The following GRM7 variants were observed in gnomAD, a reference collection of about 807,000 sequenced individuals.
GRM7 encodes the protein metabotropic glutamate receptor 7.
Under a neutral mutation model 84.5 loss-of-function variants are expected in GRM7, and 35 were observed. The observed-to-expected ratio is 0.41, with a 90% CI of 0.32 to 0.55. GRM7 has a LOEUF of 0.55. Ranked by LOEUF, GRM7 falls within the 20% of genes least tolerant of loss-of-function variation. The pLI is 0.19. For synonymous variants in GRM7, 487 were observed against 455.1 expected, an observed-to-expected ratio of 1.07 and a Z score of -0.89; for missense variants, 1,003 against 1,194.6, an observed-to-expected ratio of 0.84 and a Z score of 2.36.
At chr3:7,442,798 G>A (rs566416127) in intron 5 of GRM7, among the ~76,000 whole-genome samples, 19 of 152,106 alleles carry the variant, frequency 1.2e-4, no homozygotes, top group Non-Finnish European at 2.6e-4. Flanking sequence ...CATGAGAGTG[G>A]AAACCCTGGT....
At chr3:7,138,037 GAA>G (rs1693825984) in intron 1 of GRM7, among the ~76,000 whole-genome samples, 2 of 152,160 alleles carry the variant, frequency 1.3e-5, no homozygotes, top group Admixed American at 1.3e-4. Flanking sequence ...TGTAGTGGTA[GAA>G]GTAAAAATAT....
chr3:7,649,849 C>CGG (rs748641188), intron 8 of GRM7, among the ~76,000 whole-genome samples: 2 of 151,094 alleles, frequency 1.3e-5, no homozygotes, highest in African/African-American at 2.4e-5. Flanking sequence ...CAGGTTTGGG[C>CGG]GGGGGGGTAC....
At chr3:7,534,458 C>G (rs1701165256) in intron 7 of GRM7, among the ~76,000 whole-genome samples, 1 of 152,166 alleles carries the variant, frequency 6.6e-6, no homozygotes, top group South Asian at 2.1e-4. Flanking sequence ...ACTGTAGGAT[C>G]AGGATTTGAA....
At chr3:6,955,274 G>C (rs1054402008) in intron 1 of GRM7, among the ~76,000 whole-genome samples, 1 of 152,154 alleles carries the variant, frequency 6.6e-6, no homozygotes, top group Non-Finnish European at 1.5e-5. Flanking sequence ...GGTGGCTTAC[G>C]CCTGTAATCC....
chr3:7,672,465 G>A lies in GRM7; in HGVS notation c.2452-7584G>A, dbSNP rs557845643. ...GTCACTGGGATTTCATAAGAATTGT[G>A]AAACTTCTCTGATCCCATCCATAGA... On this transcript the variant is annotated intron_variant, in intron 8 of 9. Coordinates refer to ENST00000357716, the MANE Select transcript of GRM7 (RefSeq NM_000844.4). Among the ~76,000 whole-genome samples, 3 of 152,218 alleles carry A rather than the reference G, an allele frequency of 2.0e-5. No individual in the cohort carries two copies. The South Asian group carries it at 6.2e-4, about 32-fold the overall frequency.
chr3:7,446,174 C>G (rs986815682), intron 5 of GRM7, among the ~76,000 whole-genome samples: 1 of 152,186 alleles, frequency 6.6e-6, no homozygotes, highest in African/African-American at 2.4e-5. Context: ...AATGCAAAGT[C>G]TAAAAGCACT....
intron 7 of GRM7, among the ~76,000 whole-genome samples, chr3:7,571,064 C>T (rs1197488495): frequency 1.3e-5 from 2 of 152,134 alleles, no homozygotes; most frequent in Admixed American, 1.3e-4. Context: ...TCCTATGCTT[C>T]ACACAGCACA....
intron 1 of GRM7, among the ~76,000 whole-genome samples, chr3:6,923,569 T>C (rs1697199429): frequency 6.6e-6 from 1 of 152,202 alleles, no homozygotes; most frequent in Admixed American, 6.5e-5. Context: ...ATCTCCTCTG[T>C]TGGTTTTTAT....
chr3:7,693,499 A>C, intron 9 of GRM7: 1 of 672,316 alleles, frequency 1.5e-6, no homozygotes, highest in South Asian at 1.6e-5. Context: ...TAGTATGAAA[A>C]ATGCTACATT....
chr3:7,739,983 A>G (rs1010279758), intron 9 of GRM7, among the ~76,000 whole-genome samples: 3 of 152,192 alleles, frequency 2.0e-5, no homozygotes, highest in Non-Finnish European at 4.4e-5. Flanking sequence ...TTCCAAGCAA[A>G]GGCCAGTTAT....
intron 4 of GRM7, among the ~76,000 whole-genome samples, chr3:7,385,394 C>T (rs1313189270): frequency 1.4e-5 from 2 of 143,896 alleles, no homozygotes; most frequent in African/African-American, 5.1e-5. Context: ...TCTGCCTCCT[C>T]GGTTCACGCC....
chr3:6,891,435 C>T (rs1395875547), intron 1 of GRM7, among the ~76,000 whole-genome samples: 1 of 152,144 alleles, frequency 6.6e-6, no homozygotes, highest in East Asian at 1.9e-4. Flanking sequence ...CTGGTGGTAA[C>T]AAAATCTCTC....
chr3:6,992,357 A>G (rs1362304081), intron 1 of GRM7, among the ~76,000 whole-genome samples: 3 of 152,246 alleles, frequency 2.0e-5, no homozygotes, highest in Non-Finnish European at 2.9e-5. Flanking sequence ...AAGAGATAAT[A>G]TGCACATACG....
chr3:7,547,008 G>C (rs1575478354), intron 7 of GRM7, among the ~76,000 whole-genome samples: 1 of 151,914 alleles, frequency 6.6e-6, no homozygotes, highest in Admixed American at 6.6e-5. Context: ...AAGCAGGGAG[G>C]CCTTGGGAAA....
intron 1 of GRM7, among the ~76,000 whole-genome samples, chr3:7,055,513 A>G (rs1340994783): frequency 6.8e-6 from 1 of 147,788 alleles, no homozygotes; most frequent in African/African-American, 2.6e-5. Flanking sequence ...GTGTATGTAT[A>G]TATATATATA....
At chr3:7,398,406 G>A (rs1421855986) in intron 4 of GRM7, among the ~76,000 whole-genome samples, 1 of 152,108 alleles carries the variant, frequency 6.6e-6, no homozygotes, top group Middle Eastern at 3.2e-3. Flanking sequence ...CAGGATGAAT[G>A]CACAGAAATT....
intron 8 of GRM7, among the ~76,000 whole-genome samples, chr3:7,618,327 C>A (rs777232460): frequency 6.6e-6 from 1 of 151,956 alleles, no homozygotes; most frequent in Non-Finnish European, 1.5e-5. Flanking sequence ...AGTTCTTTTA[C>A]CTTTGGAATT....
At chr3:7,091,635 A>G (rs1698666695) in intron 1 of GRM7, among the ~76,000 whole-genome samples, 1 of 150,526 alleles carries the variant, frequency 6.6e-6, no homozygotes, top group Non-Finnish European at 1.5e-5. Flanking sequence ...GTGAATAGCA[A>G]AATCCCATGA....
At chr3:6,886,517 G>T (rs1395631463) in intron 1 of GRM7, among the ~76,000 whole-genome samples, 1 of 151,964 alleles carries the variant, frequency 6.6e-6, no homozygotes, top group Non-Finnish European at 1.5e-5. Flanking sequence ...AAACAGTATA[G>T]TTTCTCAAGC....
Sources: gnomAD v4.1 joint callset for allele counts (sites outside exome capture counted in the v4.1 genomes callset) on GRCh38, gnomAD v4.1.1 for gene constraint, MANE v1.5 for transcripts, NCBI Gene and HGNC (gene_info 2026-07-23, HGNC 2026-07-21) for gene names.